Variants in CDC14A observed in about 807,000 individuals in gnomAD.
CDC14A encodes the protein cell division cycle 14A.
Under a neutral mutation model 74.4 loss-of-function variants are expected in CDC14A, and 53 were observed. The observed-to-expected ratio is 0.71, with a 90% CI of 0.57 to 0.89. The LOEUF is 0.89. Among genes scored for constraint, CDC14A ranks in the 40% least tolerant of loss-of-function variants. The pLI, the probability that CDC14A is intolerant of heterozygous loss-of-function variation, is 0.00. For synonymous variants in CDC14A, 247 were observed against 258.4 expected, an observed-to-expected ratio of 0.96 and a Z score of 0.43; for missense variants, 646 against 713.7, an observed-to-expected ratio of 0.91 and a Z score of 1.08.
intron 2 of CDC14A, among the ~76,000 whole-genome samples, chr1:100,366,513 T>C (rs996752890): frequency 2.6e-5 from 4 of 152,206 alleles, no homozygotes; most frequent in African/African-American, 7.2e-5. Flanking sequence ...CATAAATCTG[T>C]GAGAAGAGCT....
chr1:100,412,218 G>C (rs1660806686), intron 4 of CDC14A, among the ~76,000 whole-genome samples: 1 of 152,120 alleles, frequency 6.6e-6, no homozygotes, highest in Non-Finnish European at 1.5e-5. Flanking sequence ...CCATGGTACA[G>C]TTATCTGTAT....
At chr1:100,347,072 T>C (rs374201436) in intron 1 of CDC14A, among the ~76,000 whole-genome samples, 1 of 152,198 alleles carries the variant, frequency 6.6e-6, no homozygotes, top group Non-Finnish European at 1.5e-5. Flanking sequence ...TTGAAGAAAA[T>C]AGTTCTAGAT....
chr1:100,397,137 A>G (rs571474690), intron 4 of CDC14A, among the ~76,000 whole-genome samples: 40 of 152,114 alleles, frequency 2.6e-4, no homozygotes, highest in African/African-American at 9.2e-4. Flanking sequence ...AAGCTAAATG[A>G]TTAGACACCC....
At chr1:100,417,671 T>C (rs1217784090) in intron 4 of CDC14A, among the ~76,000 whole-genome samples, 1 of 152,230 alleles carries the variant, frequency 6.6e-6, no homozygotes, top group Admixed American at 6.5e-5. Context: ...GAATTGACTC[T>C]ATTTGGCTTG....
chr1:100,504,379 T>G (rs76369876), intron 15 of CDC14A, among the ~76,000 whole-genome samples: 240 of 152,346 alleles, frequency 1.6e-3, no homozygotes, highest in African/African-American at 5.4e-3. Context: ...CTGTTGTGTT[T>G]GAGTCTTTGA....
chr1:100,427,213 A>C (rs760678895), intron 5 of CDC14A, among the ~76,000 whole-genome samples: 45 of 152,174 alleles, frequency 3.0e-4, no homozygotes, highest in Admixed American at 2.7e-3. Flanking sequence ...ATATATTAAC[A>C]CTTTTAATTA....
At chr1:100,483,733 T>A (rs566932564) in intron 10 of CDC14A, among the ~76,000 whole-genome samples, 2 of 152,310 alleles carry the variant, frequency 1.3e-5, no homozygotes, top group South Asian at 4.1e-4. Flanking sequence ...AAACACATTT[T>A]CTTTTCTAAG....
At position 100,415,672 on chromosome 1, in the gene CDC14A, T is replaced by G. The variant is rs543454502; in HGVS notation, c.310-8550T>G. On this transcript the variant is annotated intron_variant, in intron 4 of 15. Coordinates refer to ENST00000336454, the MANE Select transcript of CDC14A (RefSeq NM_003672.4). The stretch of plus-strand genomic sequence containing the variant: ...AAACAAAAGACATTCATTCTTACTC[T>G]GTTTTAATTAGACTATTTAGCATGA... Among the ~76,000 whole-genome samples the G allele has an allele frequency of 2.6e-5, 4 of 152,368 alleles. No individual in the cohort carries two copies. In the East Asian group the frequency reaches 5.8e-4, roughly 22 times the overall value.
chr1:100,397,917 A>G (rs986619257), intron 4 of CDC14A, among the ~76,000 whole-genome samples: 7 of 152,208 alleles, frequency 4.6e-5, no homozygotes, highest in African/African-American at 1.7e-4. Context: ...GACTACACTT[A>G]AGACCTAAGT....
At chr1:100,480,698 T>C (rs1282005316) in intron 10 of CDC14A, among the ~76,000 whole-genome samples, 1 of 152,188 alleles carries the variant, frequency 6.6e-6, no homozygotes, top group African/African-American at 2.4e-5. Context: ...AATAAAACTA[T>C]ATGAAAAAGG....
intron 3 of CDC14A, among the ~76,000 whole-genome samples, chr1:100,380,430 T>G (rs553625357): frequency 1.3e-5 from 2 of 152,228 alleles, no homozygotes. Context: ...TACCTGACCT[T>G]GTTGTCCCAC....
intron 15 of CDC14A, among the ~76,000 whole-genome samples, chr1:100,503,921 C>A (rs1649003914): frequency 1.3e-5 from 2 of 152,180 alleles, no homozygotes; most frequent in Admixed American, 6.5e-5. Context: ...CTACATTGAC[C>A]TTACCTGACC....
At chr1:100,396,173 G>A (rs61811382) in intron 4 of CDC14A, among the ~76,000 whole-genome samples, 2,559 of 152,302 alleles carry the variant, frequency 0.017, 26 homozygotes, top group Non-Finnish European at 0.027. Context: ...GTATTCACCC[G>A]TTGAGTTGGA....
rs769070041 is a variant in CDC14A at position 100,352,910 on chromosome 1, C to T, written c.-45C>T. 8 of 1,612,880 alleles carry T rather than the reference C, an allele frequency of 5.0e-6. No homozygotes were observed. Among genetic ancestry groups the T allele is most frequent in the South Asian group, 2.2e-5 (2 of 91,012 alleles). ...GGAAGCCCCCGGGGGCGAGTGACTT[C>T]AGCTGGCCACGACCCAGCCCTCCCC... On this transcript the variant is annotated 5_prime_UTR_variant, in exon 1 of 16. Coordinates refer to ENST00000336454, the MANE Select transcript of CDC14A (RefSeq NM_003672.4).
chr1:100,510,219 G>A (rs6656798), intron 15 of CDC14A, among the ~76,000 whole-genome samples: 141,602 of 152,260 alleles, frequency 0.93, 66,483 homozygotes, highest in Non-Finnish European at 1. Flanking sequence ...TCTAATCATT[G>A]TCATCATCCA....
intron 5 of CDC14A, among the ~76,000 whole-genome samples, chr1:100,433,166 T>G (rs1337316648): frequency 6.6e-6 from 1 of 152,204 alleles, no homozygotes; most frequent in East Asian, 1.9e-4. Flanking sequence ...TGAGCCATCA[T>G]GCCTGGACAC....
chr1:100,357,740 T>C (rs1652118447), intron 2 of CDC14A, among the ~76,000 whole-genome samples: 1 of 110,874 alleles, frequency 9.0e-6, no homozygotes, highest in Non-Finnish European at 1.9e-5. Flanking sequence ...TGAGACCCCA[T>C]CTCTTAAAAA....
intron 4 of CDC14A, among the ~76,000 whole-genome samples, chr1:100,404,862 C>CA (rs1659749336): frequency 9.2e-6 from 1 of 108,542 alleles, no homozygotes; most frequent in African/African-American, 3.3e-5. Context: ...CAAAACAAAA[C>CA]AAAAAACTAA....
intron 7 of CDC14A, among the ~76,000 whole-genome samples, chr1:100,450,964 C>T (rs535758928): frequency 1.8e-4 from 28 of 152,252 alleles, no homozygotes; most frequent in African/African-American, 6.0e-4. Context: ...CTCTCTAATT[C>T]GCATTCCTTC....
Sources: allele counts gnomAD v4.1 joint callset (sites outside exome capture counted in the v4.1 genomes callset), GRCh38; gene constraint gnomAD v4.1.1; transcripts MANE v1.5; gene names NCBI Gene and HGNC (gene_info 2026-07-23, HGNC 2026-07-21).